NAV2: variants seen among roughly 807,000 people sequenced by gnomAD.
NAV2 encodes the protein neuron navigator 2.
In NAV2, 54 loss-of-function variants were observed where a neutral mutation model predicts 223.2. The observed-to-expected ratio is 0.24, with a 90% CI of 0.19 to 0.30. The LOEUF (loss-of-function observed/expected upper bound fraction) is 0.30, where lower values mean the gene tolerates loss of function less well. Among genes scored for constraint, NAV2 ranks in the 10% least tolerant of loss-of-function variants. The pLI, the probability that NAV2 is intolerant of heterozygous loss-of-function variation, is 1.00. For synonymous variants in NAV2, 1,279 were observed against 1,239.3 expected, an observed-to-expected ratio of 1.03 and a Z score of -0.67; for missense variants, 2,806 against 3,147.5, an observed-to-expected ratio of 0.89 and a Z score of 2.60.
chr11:20,092,977 C>T, intron 28 of NAV2, 122 bp from the exon 29 acceptor site: 1 of 198,106 alleles, frequency 5.0e-6, no homozygotes, highest in Non-Finnish European at 1.1e-5. Context: ...TCCCCTACCC[C>T]CCCACCCCCT....
At chr11:20,076,505 C>G (rs1255476409) in intron 22 of NAV2, among the ~76,000 whole-genome samples, 1 of 152,208 alleles carries the variant, frequency 6.6e-6, no homozygotes, top group East Asian at 1.9e-4. Context: ...TTAGAAGATC[C>G]TAGCTGCCTA....
chr11:19,704,977 C>T (rs903692415), intron 1 of NAV2, among the ~76,000 whole-genome samples: 3 of 145,046 alleles, frequency 2.1e-5, no homozygotes, highest in African/African-American at 7.7e-5. Flanking sequence ...TGCCACTGCA[C>T]TCCAGCCTGG....
intron 19 of NAV2, among the ~76,000 whole-genome samples, chr11:20,057,784 A>G (rs1458753000): frequency 2.0e-5 from 3 of 152,224 alleles, no homozygotes; most frequent in African/African-American, 7.2e-5. Flanking sequence ...CCATTACAGT[A>G]TCGTCATCAG....
intron 1 of NAV2, among the ~76,000 whole-genome samples, chr11:19,443,185 G>A (rs1001480392): frequency 6.6e-6 from 1 of 152,182 alleles, no homozygotes; most frequent in Non-Finnish European, 1.5e-5. Context: ...TAGAATCTCT[G>A]AGCTGAAGCC....
At chr11:20,059,465 A>G (rs2058568454) in intron 19 of NAV2, among the ~76,000 whole-genome samples, 2 of 151,956 alleles carry the variant, frequency 1.3e-5, no homozygotes, top group African/African-American at 4.8e-5. Flanking sequence ...CATTCTATCT[A>G]GTGTTTTCAC....
chr11:19,508,102 G>A (rs1248248940), intron 1 of NAV2, among the ~76,000 whole-genome samples: 2 of 152,180 alleles, frequency 1.3e-5, no homozygotes, highest in Non-Finnish European at 2.9e-5. Flanking sequence ...GTGGTGGGGT[G>A]GGATGAAGGA....
intron 1 of NAV2, among the ~76,000 whole-genome samples, chr11:19,369,250 C>T (rs978183850): frequency 6.6e-6 from 1 of 152,094 alleles, no homozygotes; most frequent in Non-Finnish European, 1.5e-5. Flanking sequence ...TTTAGGGAGT[C>T]TAGGATGACT....
At chr11:19,370,123 C>G (rs537061743) in intron 1 of NAV2, among the ~76,000 whole-genome samples, 40 of 152,300 alleles carry the variant, frequency 2.6e-4, no homozygotes, top group African/African-American at 9.1e-4. Context: ...CTCCCTGATA[C>G]GCTCTTTCAT....
intron 10 of NAV2, among the ~76,000 whole-genome samples, chr11:19,952,164 G>A (rs1362547573): frequency 1.3e-5 from 2 of 152,224 alleles, no homozygotes; most frequent in African/African-American, 4.8e-5. Context: ...TGGCAAGGTT[G>A]TAAATATTGA....
At chr11:19,971,108 A>G (rs2049198557) in intron 10 of NAV2, among the ~76,000 whole-genome samples, 2 of 152,136 alleles carry the variant, frequency 1.3e-5, no homozygotes, top group South Asian at 4.2e-4. Flanking sequence ...GATAAGCACA[A>G]GTGTTTTAGT....
At chr11:20,078,463 A>G (rs1268262806) in intron 24 of NAV2, among the ~76,000 whole-genome samples, 1 of 152,042 alleles carries the variant, frequency 6.6e-6, no homozygotes, top group Non-Finnish European at 1.5e-5. Context: ...CCAAGAAAAG[A>G]TTTCTTTTTT....
chr11:19,674,569 A>G (rs1170813155), intron 1 of NAV2, among the ~76,000 whole-genome samples: 3 of 152,234 alleles, frequency 2.0e-5, no homozygotes, highest in Non-Finnish European at 4.4e-5. Context: ...CCTCCTTCAA[A>G]CAAAAGGTGG....
intron 1 of NAV2, among the ~76,000 whole-genome samples, chr11:19,732,507 A>G (rs1270678788): frequency 2.0e-5 from 3 of 152,244 alleles, no homozygotes; most frequent in African/African-American, 7.2e-5. Context: ...TTAGTTGAGT[A>G]GCATAACAAC....
rs781122704 is a variant in NAV2, at chr11:19,702,033, CT to C, written c.76-130448del. Among the ~76,000 whole-genome samples, 6 of 152,212 alleles carry C rather than the reference CT, an allele frequency of 3.9e-5. No individual in the cohort carries two copies. In the South Asian group the frequency reaches 8.3e-4, roughly 21 times the overall value. On this transcript the variant is annotated intron_variant, in intron 1 of 37. Transcript: ENST00000360655. ...TGCAGGGTTCATTTCTGGCATCCCA[CT>C]TTCCTCTCCATCTTCTCTGTTTCTG...
chr11:19,924,602 C>T (rs2044573700), intron 6 of NAV2, among the ~76,000 whole-genome samples: 1 of 152,198 alleles, frequency 6.6e-6, no homozygotes. Flanking sequence ...TTTGATCAAA[C>T]TGTCACAAGA....
intron 1 of NAV2, among the ~76,000 whole-genome samples, chr11:19,537,884 A>T (rs956013854): frequency 4.6e-5 from 7 of 152,328 alleles, no homozygotes; most frequent in African/African-American, 1.7e-4. Flanking sequence ...GCCTCATAGG[A>T]TATCATGAGG....
upstream of NAV2, chr11:19,711,092 G>A (rs2049851800): frequency 6.6e-6 from 1 of 152,256 alleles, no homozygotes; most frequent in Non-Finnish European, 1.5e-5. Flanking sequence ...CTTGATTTCA[G>A]AGAGAGGGAG....
intron 1 of NAV2, among the ~76,000 whole-genome samples, chr11:19,549,642 T>G (rs558829331): frequency 6.6e-6 from 1 of 152,364 alleles, no homozygotes; most frequent in South Asian, 2.1e-4. Context: ...CTCAGAAGGC[T>G]GCCTGCCTGC....
intron 6 of NAV2, among the ~76,000 whole-genome samples, chr11:19,896,370 T>C (rs1799972990): frequency 6.6e-6 from 1 of 152,182 alleles, no homozygotes; most frequent in Non-Finnish European, 1.5e-5. Context: ...TTCTACTCTC[T>C]GTTTTTATGA....
Sources: allele counts gnomAD v4.1 joint callset (sites outside exome capture counted in the v4.1 genomes callset), GRCh38; gene constraint gnomAD v4.1.1; transcripts MANE v1.5; gene names NCBI Gene and HGNC (gene_info 2026-07-23, HGNC 2026-07-21).